The following FNBP1L variants were observed in gnomAD, a reference collection of about 807,000 sequenced individuals.
The protein encoded by FNBP1L is formin-binding protein 1-like.
FNBP1L carries 36 observed loss-of-function variants against 91.2 expected under a neutral mutation model. The ratio of observed to expected loss-of-function variants is 0.39; its 90% CI spans 0.30 to 0.52. The LOEUF (loss-of-function observed/expected upper bound fraction) is 0.52, where lower values mean the gene tolerates loss of function less well. FNBP1L is among the 20% of genes least tolerant of loss of function. The probability of loss-of-function intolerance (pLI) is 0.66; values close to 1 mark genes in which losing one functional copy is unlikely to be tolerated. For synonymous variants in FNBP1L, 242 were observed against 237.0 expected, an observed-to-expected ratio of 1.02 and a Z score of -0.19; for missense variants, 571 against 732.1, an observed-to-expected ratio of 0.78 and a Z score of 2.54.
chr1:93,549,412 T>C lies in FNBP1L; in HGVS notation c.1637T>C (p.Ile546Thr), dbSNP rs1672336226. ...PLPAIGHCKA[I>T]YPFDGHNEGT... ...CCTGCTATTGGACACTGCAAAGCTA[T>C]CTACCCTTTTGATGGTATGATTTTC... The change falls in exon 15 of 17, where the codon ATC becomes ACC. Residue 546 changes from isoleucine (I) to threonine (T), a missense_variant. Ile to Thr is a moderately conservative substitution (Grantham distance 89). This residue lies in a region of FNBP1L where 189 missense variants were observed against 219.7 expected (regional missense o/e 0.86). Coordinates refer to ENST00000271234, the MANE Select transcript of FNBP1L (RefSeq NM_001164473.3). 6.3e-7 allele frequency: 1 copy of C among 1,587,630 alleles called. No homozygotes were observed. Among genetic ancestry groups the C allele is most frequent in the Non-Finnish European group, 8.5e-7 (1 of 1,172,256 alleles).
intron 1 of FNBP1L, among the ~76,000 whole-genome samples, chr1:93,466,627 A>C (rs1669089387): frequency 1.3e-5 from 2 of 152,172 alleles, no homozygotes. Context: ...ATTTGAGGTC[A>C]GGTAGCGTCA....
intron 8 of FNBP1L, 76 bp downstream of exon 8, chr1:93,533,144 G>A (rs973583752): frequency 5.2e-6 from 7 of 1,340,420 alleles, no homozygotes; most frequent in Admixed American, 1.9e-5. Context: ...AATGAGTTGA[G>A]AAAGGGATAA....
chr1:93,453,709 A>G (rs553654311), intron 1 of FNBP1L, among the ~76,000 whole-genome samples: 17 of 152,352 alleles, frequency 1.1e-4, no homozygotes, highest in African/African-American at 4.1e-4. Context: ...AGGAAAGGTT[A>G]TGTAAAGGTT....
At chr1:93,544,432 C>G (rs1413039792) in intron 12 of FNBP1L, among the ~76,000 whole-genome samples, 1 of 151,958 alleles carries the variant, frequency 6.6e-6, no homozygotes, top group Non-Finnish European at 1.5e-5. Context: ...TGCTAATATG[C>G]CTTCATTAAT....
intron 2 of FNBP1L, among the ~76,000 whole-genome samples, chr1:93,519,498 A>T (rs530816978): frequency 6.6e-6 from 1 of 152,222 alleles, no homozygotes; most frequent in South Asian, 2.1e-4. Flanking sequence ...TATTGTTCTT[A>T]CCATATTATG....
chr1:93,450,764 G>T (rs1668466558), intron 1 of FNBP1L, among the ~76,000 whole-genome samples: 1 of 152,254 alleles, frequency 6.6e-6, no homozygotes, highest in African/African-American at 2.4e-5. Context: ...AGAATATGTT[G>T]TTACAGAAAA....
At chr1:93,536,291 C>G in intron 9 of FNBP1L, 41 bp from the exon 10 acceptor site, 6 of 1,339,572 alleles carry the variant, frequency 4.5e-6, no homozygotes, top group Non-Finnish European at 5.8e-6. Flanking sequence ...GAAAACTATG[C>G]ACATTTGGCT....
At chr1:93,537,060 A>G (rs1226957069) in intron 10 of FNBP1L, among the ~76,000 whole-genome samples, 1 of 152,066 alleles carries the variant, frequency 6.6e-6, no homozygotes, top group African/African-American at 2.4e-5. Flanking sequence ...AAAATACTAG[A>G]TATCACTGAG....
chr1:93,524,430 A>G (rs1040948210), intron 5 of FNBP1L, 107 bp downstream of exon 5: 3 of 762,084 alleles, frequency 3.9e-6, no homozygotes, highest in Non-Finnish European at 3.8e-6. Flanking sequence ...TCAGTGTATT[A>G]TTAATAATTT....
At chr1:93,547,508 T>C (rs1672281591) in intron 14 of FNBP1L, 67 bp downstream of exon 14, 1 of 1,319,946 alleles carries the variant, frequency 7.6e-7, no homozygotes, top group African/African-American at 1.5e-5. Flanking sequence ...TCCTAAACTT[T>C]ATACAATTCG....
intron 1 of FNBP1L, among the ~76,000 whole-genome samples, chr1:93,460,390 A>G (rs1438246378): frequency 6.6e-6 from 1 of 152,228 alleles, no homozygotes; most frequent in Non-Finnish European, 1.5e-5. Flanking sequence ...GAACAATGAC[A>G]AATAAATTTC....
rs937453780 is a variant in FNBP1L, at chr1:93,523,638, C to G, written c.342+147C>G. On this transcript the variant is annotated intron_variant, in intron 4 of 16. Transcript: ENST00000271234. ...TAGCTAAAAATTATCACAAAATACT[C>G]TTGCTAATTTATGATCCTTTTGGAT... The G allele has an allele frequency of 2.0e-5, 18 of 883,434 alleles. No individual in the cohort carries two copies. In the African/African-American group the frequency reaches 3.1e-4, roughly 15 times the overall value. The allele number at this position is 883,434 out of a possible 1,614,324, so 54.7% of individuals were successfully genotyped here.
intron 1 of FNBP1L, among the ~76,000 whole-genome samples, chr1:93,465,795 G>C (rs1266458781): frequency 6.6e-6 from 1 of 152,174 alleles, no homozygotes; most frequent in Non-Finnish European, 1.5e-5. Context: ...TTCCACAATA[G>C]TTGAACTAAT....
chr1:93,545,503 CATA>C (rs1570874094), intron 12 of FNBP1L, among the ~76,000 whole-genome samples: 1 of 152,152 alleles, frequency 6.6e-6, no homozygotes, highest in East Asian at 1.9e-4. Flanking sequence ...TTATGTGGAA[CATA>C]ATAATAGAAG....
At chr1:93,448,467 T>G (rs979063483) in intron 1 of FNBP1L, among the ~76,000 whole-genome samples, 162 bp downstream of exon 1, 1 of 152,060 alleles carries the variant, frequency 6.6e-6, no homozygotes, top group African/African-American at 2.4e-5. Context: ...AGACTCCTCT[T>G]CCCTTCTCGG....
At chr1:93,448,340 C>G in intron 1 of FNBP1L, 35 bp downstream of exon 1, 7 of 1,483,146 alleles carry the variant, frequency 4.7e-6, no homozygotes, top group African/African-American at 1.5e-5. Flanking sequence ...GCACGGACCC[C>G]GGCCCCTGAG....
chr1:93,521,137 C>G (rs1241335690), intron 2 of FNBP1L, among the ~76,000 whole-genome samples: 4 of 152,140 alleles, frequency 2.6e-5, no homozygotes, highest in Non-Finnish European at 5.9e-5. Flanking sequence ...CTCCAAAGTC[C>G]ATATGCTAGT....
intron 11 of FNBP1L, among the ~76,000 whole-genome samples, chr1:93,542,822 C>T (rs553784752): frequency 2.9e-5 from 4 of 138,626 alleles, no homozygotes; most frequent in East Asian, 2.1e-4. Flanking sequence ...TCGCTCTTGT[C>T]GCCCAGCCTG....
intron 1 of FNBP1L, among the ~76,000 whole-genome samples, chr1:93,451,052 A>G (rs1668478028): frequency 6.6e-6 from 1 of 152,226 alleles, no homozygotes; most frequent in Non-Finnish European, 1.5e-5. Context: ...TGAGTAAATA[A>G]GTTAGTGAAT....
Sources: gnomAD v4.1 joint callset for allele counts (sites outside exome capture counted in the v4.1 genomes callset) on GRCh38, gnomAD v4.1.1 for gene constraint, gnomAD v4.1.1 regional missense constraint, MANE v1.5 for transcripts, NCBI Gene and HGNC (gene_info 2026-07-23, HGNC 2026-07-21) for gene names.